Variants in MMP16 observed in about 807,000 individuals in gnomAD.
MMP16 encodes matrix metallopeptidase 16, also known as matrix metalloproteinase-16.
A neutral mutation model predicts 67.8 loss-of-function variants in MMP16; 12 were observed. The ratio of observed to expected loss-of-function variants is 0.18; its 90% CI spans 0.11 to 0.29. The LOEUF (loss-of-function observed/expected upper bound fraction) is 0.29. Among genes scored for constraint, MMP16 ranks in the 10% least tolerant of loss-of-function variants. The pLI, the probability that MMP16 is intolerant of heterozygous loss-of-function variation, is 1.00. For synonymous variants in MMP16, 249 were observed against 255.9 expected (o/e 0.97, Z 0.26); for missense variants, 475 against 765.7 (o/e 0.62, Z 4.48).
At chr8:88,250,691 A>T (rs925210214) in intron 1 of MMP16, among the ~76,000 whole-genome samples, 2 of 151,230 alleles carry the variant, frequency 1.3e-5, no homozygotes, top group African/African-American at 4.9e-5. Flanking sequence ...TCATTAAGAA[A>T]CCCGAGAAAT....
chr8:88,153,799 G>A (rs1175968980), intron 4 of MMP16, among the ~76,000 whole-genome samples: 3 of 151,368 alleles, frequency 2.0e-5, no homozygotes, highest in Admixed American at 2.0e-4. Context: ...TCAGGACATA[G>A]GCATGGGCAA....
chr8:88,149,393 C>A (rs1233924945), intron 4 of MMP16, among the ~76,000 whole-genome samples: 1 of 152,172 alleles, frequency 6.6e-6, no homozygotes, highest in Admixed American at 6.5e-5. Flanking sequence ...TCTGTAGGCT[C>A]CACCTCTGGG....
At chr8:88,144,171 G>A (rs1808255302) in intron 4 of MMP16, among the ~76,000 whole-genome samples, 1 of 152,034 alleles carries the variant, frequency 6.6e-6, no homozygotes, top group East Asian at 1.9e-4. Flanking sequence ...GCATACAAAT[G>A]CATTTTCTTG....
At chr8:88,127,981 G>A (rs2118463271) in intron 4 of MMP16, among the ~76,000 whole-genome samples, 1 of 151,952 alleles carries the variant, frequency 6.6e-6, no homozygotes, top group East Asian at 2.0e-4. Flanking sequence ...ATAACAAGGA[G>A]ATGGGTTGGC....
intron 3 of MMP16, among the ~76,000 whole-genome samples, chr8:88,173,944 C>A (rs1381309599): frequency 1.3e-5 from 2 of 152,126 alleles, no homozygotes; most frequent in Non-Finnish European, 2.9e-5. Flanking sequence ...GTTATGTATT[C>A]TCTGGAAACA....
intron 6 of MMP16, among the ~76,000 whole-genome samples, chr8:88,108,587 G>A (rs1449407218): frequency 6.6e-6 from 1 of 151,228 alleles, no homozygotes; most frequent in African/African-American, 2.4e-5. Flanking sequence ...ATCAATTGTG[G>A]TATGCAGGGA....
At chr8:88,070,063 A>C (rs1808525742) in intron 7 of MMP16, among the ~76,000 whole-genome samples, 2 of 152,146 alleles carry the variant, frequency 1.3e-5, no homozygotes, top group South Asian at 4.1e-4. Context: ...ATTGTCTATA[A>C]ATACAGCATT....
At position 88,035,381 on chromosome 8, in the gene MMP16, C is replaced by A. The variant is rs937245332; in HGVS notation, c.*6080G>T. 2 of 152,036 alleles carry A rather than the reference C, an allele frequency of 1.3e-5. No individual in the cohort carries two copies. The highest frequency in any genetic ancestry group is 4.8e-5 in the African/African-American group (2 of 41,434). The allele number at this position is 152,036 out of a possible 1,614,324, so 9.4% of individuals were successfully genotyped here. On this transcript the variant is annotated 3_prime_UTR_variant, in exon 10 of 10. Transcript: ENST00000286614. The surrounding 1 kb of genome is among the most constrained non-coding windows in gnomAD (Gnocchi z 4.7). ...TTAATGTGAGGACACGCTGAGTGCACATTTGAATATCATCCCCAGTCCAAT... is the reference window on the plus strand; with the variant it reads ...TTAATGTGAGGACACGCTGAGTGCAAATTTGAATATCATCCCCAGTCCAAT...
chr8:88,214,527 G>A (rs1236900906), intron 1 of MMP16, among the ~76,000 whole-genome samples: 1 of 151,604 alleles, frequency 6.6e-6, no homozygotes, highest in African/African-American at 2.4e-5. Flanking sequence ...ACAAAACTTA[G>A]GTCTATTCAT....
chr8:88,185,101 A>G (rs1174068601), intron 3 of MMP16, among the ~76,000 whole-genome samples: 1 of 152,174 alleles, frequency 6.6e-6, no homozygotes, highest in South Asian at 2.1e-4. Flanking sequence ...AGTAAGTAGC[A>G]TAAGACAATA....
At chr8:88,086,443 G>C (rs1808835452) in intron 6 of MMP16, among the ~76,000 whole-genome samples, 1 of 151,792 alleles carries the variant, frequency 6.6e-6, no homozygotes, top group African/African-American at 2.4e-5. Context: ...TAACAGTTCT[G>C]GATTCAAAAA....
intron 1 of MMP16, among the ~76,000 whole-genome samples, chr8:88,246,713 A>C (rs1269406465): frequency 6.6e-6 from 1 of 152,128 alleles, no homozygotes; most frequent in African/African-American, 2.4e-5. Context: ...TGAGGGAATA[A>C]ATTTAAGCCT....
At position 88,170,398 on chromosome 8, in the gene MMP16, A is replaced by G. The variant is rs147073623; in HGVS notation, c.405-2425T>C. On this transcript the variant is annotated intron_variant, in intron 3 of 9. Transcript: ENST00000286614. Reference sequence around the variant, plus strand: ...TTGCTAGTCTCTAAATTTCTTGTCTAATGGCTAAAGAAGCATGAGAGGTAA... The same window carrying G: ...TTGCTAGTCTCTAAATTTCTTGTCTGATGGCTAAAGAAGCATGAGAGGTAA... Among the ~76,000 whole-genome samples, 27 of 152,340 alleles carry G rather than the reference A, an allele frequency of 1.8e-4. No homozygotes were observed. In the East Asian group the frequency reaches 5.0e-3, roughly 28 times the overall value.
Position 88,185,643 on chromosome 8 carries a change from T to C in MMP16, c.404+833A>G, listed in dbSNP as rs80115995. On this transcript the variant is annotated intron_variant, in intron 3 of 9. Coordinates refer to ENST00000286614, the MANE Select transcript of MMP16 (RefSeq NM_005941.5). ...AGATGATTCCTGACATTCTACCCTCTCACCAAAGTATCTTTCCTCTTCTCC... is the reference window on the plus strand; with the variant it reads ...AGATGATTCCTGACATTCTACCCTCCCACCAAAGTATCTTTCCTCTTCTCC... 6.8e-3 allele frequency among the ~76,000 whole-genome samples: 1,043 copies of C among 152,266 alleles called. 15 individuals carry two copies. The highest frequency in any genetic ancestry group is 0.023 in the African/African-American group (976 of 41,540).
Position 88,043,370 on chromosome 8 carries a change from G to A in MMP16, c.1490-1575C>T, listed in dbSNP as rs559572638. 2.0e-5 allele frequency among the ~76,000 whole-genome samples: 3 copies of A among 152,188 alleles called. No homozygotes were observed. In the East Asian group the frequency reaches 5.8e-4, roughly 30 times the overall value. On this transcript the variant is annotated intron_variant, in intron 9 of 9. Coordinates refer to ENST00000286614, the MANE Select transcript of MMP16 (RefSeq NM_005941.5). ...CCGATCTTGGCTCACAGCAACCTCC[G>A]CCTCCTGGGTTCAAGCGATTCTCCT...
intron 1 of MMP16, among the ~76,000 whole-genome samples, chr8:88,309,482 G>T (rs575523845): frequency 1.3e-5 from 2 of 151,926 alleles, no homozygotes; most frequent in African/African-American, 4.8e-5. Context: ...AAAATTTCTG[G>T]AAATTAAGTA....
intron 6 of MMP16, among the ~76,000 whole-genome samples, chr8:88,108,901 AGTT>A (rs1241265691): frequency 6.6e-6 from 1 of 151,246 alleles, no homozygotes; most frequent in Admixed American, 6.6e-5. Context: ...TGTAAAGTAA[AGTT>A]GTGTGTTGTA....
At chr8:88,191,883 C>T (rs1044742695) in intron 2 of MMP16, among the ~76,000 whole-genome samples, 4 of 152,142 alleles carry the variant, frequency 2.6e-5, no homozygotes. Context: ...AAACGTCATC[C>T]CTTGCAGCTA....
At chr8:88,287,983 G>A (rs1810860559) in intron 1 of MMP16, among the ~76,000 whole-genome samples, 1 of 152,158 alleles carries the variant, frequency 6.6e-6, no homozygotes, top group Non-Finnish European at 1.5e-5. Context: ...AGCCCCTTGA[G>A]TGAATAAAGA....
Sources: allele counts gnomAD v4.1 joint callset (sites outside exome capture counted in the v4.1 genomes callset), GRCh38; gene constraint gnomAD v4.1.1; non-coding constraint Gnocchi (gnomAD v3.1); transcripts MANE v1.5; gene names NCBI Gene and HGNC (gene_info 2026-07-23, HGNC 2026-07-21).